Variants in RELB observed in about 807,000 individuals in gnomAD.
The protein encoded by RELB is RELB proto-oncogene, NF-kB subunit.
In RELB, 14 loss-of-function variants were observed where a neutral mutation model predicts 55.4. The observed-to-expected ratio is 0.25, with a 90% CI of 0.17 to 0.40. The LOEUF is 0.40. RELB is among the 10% of genes least tolerant of loss of function. The pLI is 1.00. For synonymous variants in RELB, 409 were observed against 371.3 expected (o/e 1.10, Z -1.17); for missense variants, 669 against 830.7 (o/e 0.81, Z 2.39).
intron 3 of RELB, 21 bp downstream of exon 3, chr19:45,009,843 T>A (rs941883715): frequency 1.3e-6 from 2 of 1,596,220 alleles, no homozygotes; most frequent in Non-Finnish European, 8.5e-7. Context: ...CAGGGCAGGT[T>A]TGCGGGGAGG....
chr19:45,025,752 C>T lies in RELB; in HGVS notation c.886+15C>T. The stretch of plus-strand genomic sequence containing the variant: ...CTATGACAAGAGTGAGTTGAGAGTG[C>T]TGTGGCCGTTAGGATTGCCCTTGGC... On this transcript the variant is annotated intron_variant, in intron 7 of 11. Transcript: ENST00000221452. The T allele has an allele frequency of 6.2e-7, 1 of 1,613,738 alleles. No homozygotes were observed. The highest frequency in any genetic ancestry group is 8.5e-7 in the Non-Finnish European group (1 of 1,179,738).
intron 2 of RELB, 147 bp downstream of exon 2, chr19:45,003,143 G>A: frequency 1.3e-6 from 1 of 764,904 alleles, no homozygotes; most frequent in East Asian, 2.8e-5. Context: ...GTTGAGATGG[G>A]CCCCCTAGGT....
At position 45,034,254 on chromosome 19, in the gene RELB, C is replaced by T. The variant is rs529432455; in HGVS notation, c.1218C>T (p.Gly406=). 2.5e-5 allele frequency: 40 copies of T among 1,613,588 alleles called. 1 individual carries two copies. In the African/African-American group the frequency reaches 4.0e-4, roughly 16 times the overall value. Residue 406 remains glycine, a synonymous_variant, in exon 10 of 12, where the codon GGC becomes GGT. Coordinates refer to ENST00000221452, the MANE Select transcript of RELB (RefSeq NM_006509.4). ...TYLPRDHDSY[G]VDKKRKRGMP... ...GTATCTCCTTAACAGACAGCTACGG[C>T]GTGGACAAGAAGCGGAAACGGGGGA... is the stretch of plus-strand genomic sequence containing the variant.
chr19:45,033,987 T>C (rs1168133331), intron 9 of RELB, among the ~76,000 whole-genome samples: 1 of 151,482 alleles, frequency 6.6e-6, no homozygotes, highest in Admixed American at 6.6e-5. Context: ...TGAAATCCCA[T>C]CTCTACTAAA....
chr19:45,011,931 C>A lies in RELB; in HGVS notation c.164-5C>A. The A allele has an allele frequency of 6.6e-7, 1 of 1,505,860 alleles. No individual in the cohort carries two copies. Among genetic ancestry groups the A allele is most frequent in the Non-Finnish European group, 8.8e-7 (1 of 1,131,946 alleles). 93.3% of individuals were successfully genotyped at this position (1,505,860 alleles called of 1,614,324 possible). A position where few individuals can be genotyped will look rare whatever the true frequency, so the allele number is the denominator to read the frequency against. Reference sequence around the variant, plus strand: ...CGTCACCACCCGTTTTTTCTTCTCCCGCAGAGATCATCGACGAGTACATCA... The same window carrying A: ...CGTCACCACCCGTTTTTTCTTCTCCAGCAGAGATCATCGACGAGTACATCA... On this transcript the variant is annotated splice_polypyrimidine_tract_variant and splice_region_variant and intron_variant, in intron 3 of 11. Transcript: ENST00000221452.
At chr19:45,011,756 C>G (rs528924965) in intron 3 of RELB, among the ~76,000 whole-genome samples, 180 bp from the exon 4 acceptor site, 807 of 59,984 alleles carry the variant, frequency 0.013, 69 homozygotes, top group African/African-American at 0.047. Flanking sequence ...CTCCCTGACT[C>G]TGTGTGTGTG....
intron 4 of RELB, among the ~76,000 whole-genome samples, chr19:45,013,352 G>T (rs1264964164): frequency 6.6e-6 from 1 of 151,830 alleles, no homozygotes; most frequent in Non-Finnish European, 1.5e-5. Context: ...TGTTGGCCAG[G>T]CTGGTCTCAA....
chr19:45,012,395 A>T, intron 4 of RELB, 119 bp downstream of exon 4: 1 of 604,300 alleles, frequency 1.7e-6, no homozygotes, highest in South Asian at 4.2e-5. Flanking sequence ...GTTGGACCAG[A>T]TATTAATTAT....
At chr19:45,029,223 C>A (rs1011079063) in intron 8 of RELB, among the ~76,000 whole-genome samples, 2 of 152,304 alleles carry the variant, frequency 1.3e-5, no homozygotes, top group Admixed American at 1.3e-4. Flanking sequence ...TCTGTGGTGA[C>A]CCATGCTGCA....
intron 11 of RELB, among the ~76,000 whole-genome samples, chr19:45,034,816 T>A (rs1250778489): frequency 1.3e-5 from 2 of 152,068 alleles, no homozygotes; most frequent in Non-Finnish European, 2.9e-5. Flanking sequence ...TCAGTGGTGT[T>A]TTAAAATTTG....
intron 5 of RELB, among the ~76,000 whole-genome samples, chr19:45,022,547 C>CT (rs35661437): frequency 2.9e-4 from 36 of 125,800 alleles, no homozygotes; most frequent in East Asian, 1.4e-3. Context: ...TACAATTCAT[C>CT]TTTTTTTTTT....
chr19:45,034,358 G>C, intron 10 of RELB, 46 bp downstream of exon 10: 4 of 1,606,834 alleles, frequency 2.5e-6, no homozygotes, highest in Non-Finnish European at 3.4e-6. Flanking sequence ...AGGTTCTGGG[G>C]AGGGGACAGC....
At chr19:45,032,410 C>T (rs1036493932) in intron 8 of RELB, 124 bp from the exon 9 acceptor site, 9 of 725,468 alleles carry the variant, frequency 1.2e-5, no homozygotes, top group Middle Eastern at 3.5e-4. Flanking sequence ...CAGAGCAAGA[C>T]TCTCAAAAAA....
At chr19:45,009,682 GGGT>G in intron 2 of RELB, 129 bp from the exon 3 acceptor site, 1 of 1,013,120 alleles carries the variant, frequency 9.9e-7, no homozygotes, top group Non-Finnish European at 1.5e-6. Context: ...TCAGAGCCCA[GGGT>G]TTCCCAGGAC....
intron 4 of RELB, 112 bp from the exon 5 acceptor site, chr19:45,021,941 A>G: frequency 9.3e-7 from 1 of 1,077,744 alleles, no homozygotes; most frequent in Non-Finnish European, 1.3e-6. Context: ...AGCTCCCAAC[A>G]GAGGACCCTA....
intron 2 of RELB, among the ~76,000 whole-genome samples, chr19:45,005,679 C>T (rs1971273870): frequency 6.6e-6 from 1 of 152,202 alleles, no homozygotes; most frequent in Non-Finnish European, 1.5e-5. Context: ...TCTCGGCTCA[C>T]TGCAACCTCC....
chr19:45,020,198 C>T (rs1239364885), intron 4 of RELB, among the ~76,000 whole-genome samples: 1 of 151,556 alleles, frequency 6.6e-6, no homozygotes. Flanking sequence ...GGTCACAATA[C>T]ATGATTTATT....
chr19:45,033,551 G>T (rs897890842), intron 9 of RELB, among the ~76,000 whole-genome samples: 1 of 151,600 alleles, frequency 6.6e-6, no homozygotes, highest in Non-Finnish European at 1.5e-5. Context: ...CGGGCGTGGT[G>T]GTGGGCGCCT....
intron 2 of RELB, among the ~76,000 whole-genome samples, chr19:45,006,956 A>G (rs1971289289): frequency 7.5e-6 from 1 of 132,852 alleles, no homozygotes; most frequent in South Asian, 2.3e-4. Flanking sequence ...ACTCCATCTG[A>G]AAAAAAAAAA....
Sources: gnomAD v4.1 joint callset for allele counts (sites outside exome capture counted in the v4.1 genomes callset) on GRCh38, gnomAD v4.1.1 for gene constraint, MANE v1.5 for transcripts, NCBI Gene and HGNC (gene_info 2026-07-23, HGNC 2026-07-21) for gene names.